CEP72: variants seen among roughly 807,000 people sequenced by gnomAD.
CEP72 encodes centrosomal protein of 72 kDa.
In CEP72, 78 loss-of-function variants were observed where a neutral mutation model predicts 65.7. The observed-to-expected ratio is 1.19, with a 90% CI of 0.99 to 1.43. The LOEUF is 1.43. Among genes scored for constraint, CEP72 ranks in the 40% most tolerant of loss-of-function variants. The pLI, the probability that CEP72 is intolerant of heterozygous loss-of-function variation, is 0.00. For synonymous variants in CEP72, 358 were observed against 351.7 expected, an observed-to-expected ratio of 1.02 and a Z score of -0.20; for missense variants, 914 against 832.9, an observed-to-expected ratio of 1.10 and a Z score of -1.20.
intron 8 of CEP72, 29 bp from the exon 9 acceptor site, chr5:640,379 C>G: frequency 6.2e-7 from 1 of 1,604,176 alleles, no homozygotes; most frequent in African/African-American, 1.3e-5. Context: ...AGCCTAAGTG[C>G]TAATGTAATA....
chr5:660,204 C>CATATATATAT (rs34439131), downstream of CEP72: 8 of 145,552 alleles, frequency 5.5e-5, no homozygotes, highest in Non-Finnish European at 7.6e-5. Flanking sequence ...ATATATTGCA[C>CATATATATAT]ATATATATAT....
chr5:667,578 G>A (rs911176200), downstream of CEP72, among the ~76,000 whole-genome samples: 2 of 151,726 alleles, frequency 1.3e-5, no homozygotes, highest in Admixed American at 6.5e-5. Flanking sequence ...TCATCAAAAC[G>A]TTCGAAACTC....
chr5:616,791 G>A (rs957786797), intron 1 of CEP72, among the ~76,000 whole-genome samples: 3 of 148,938 alleles, frequency 2.0e-5, no homozygotes, highest in Non-Finnish European at 4.5e-5. Flanking sequence ...CCAGGTGGAC[G>A]AGGGGTGTGT....
At chr5:669,741 G>A (rs571604305), downstream of CEP72, among the ~76,000 whole-genome samples, 11 of 152,182 alleles carry the variant, frequency 7.2e-5, no homozygotes, top group South Asian at 2.1e-4. Context: ...CGAGTGTCTC[G>A]GGGAAAGGGC....
the CEP72 span, among the ~76,000 whole-genome samples, chr5:672,784 C>G: frequency 6.6e-5 from 10 of 152,386 alleles, no homozygotes; most frequent in Non-Finnish European, 1.0e-4. Context: ...TATTTTAAAG[C>G]TGCCACCGCA....
At chr5:640,107 G>T (rs1237312116) in intron 8 of CEP72, among the ~76,000 whole-genome samples, 3 of 152,248 alleles carry the variant, frequency 2.0e-5, no homozygotes, top group Non-Finnish European at 4.4e-5. Context: ...ACACAGGGCA[G>T]TCGGTGCTTG....
chr5:619,091 T>C lies in CEP72; in HGVS notation c.184T>C (p.Ser62Pro). ...SLTGLKSLDLSRNSLVSLEGI... is the reference protein window; with the variant it reads ...SLTGLKSLDLPRNSLVSLEGI... ...AACAGGTCTGAAATCTTTGGATCTC[T>C]CGCGCAACTCCTTGGTTAGTCTGGA... is the stretch of plus-strand genomic sequence containing the variant. The change falls in exon 2 of 12, where the codon TCG becomes CCG. Residue 62 changes from serine to proline, a missense_variant. Coordinates refer to ENST00000264935, the MANE Select transcript of CEP72 (RefSeq NM_018140.4). 6.2e-7 allele frequency: 1 copy of C among 1,613,840 alleles called. No homozygotes were observed. Among genetic ancestry groups the C allele is most frequent in the Non-Finnish European group, 8.5e-7 (1 of 1,179,742 alleles).
rs1738273096 is a variant in CEP72, at chr5:644,345, G to A, written c.1586G>A (p.Arg529Lys). 1.2e-6 allele frequency: 2 copies of A among 1,613,946 alleles called. No homozygotes were observed. The highest frequency in any genetic ancestry group is 1.1e-5 in the South Asian group (1 of 91,080). Residue 529 changes from arginine (R) to lysine (K), a missense_variant, in exon 10 of 12, where the codon AGG becomes AAG. By Grantham distance (26) the Arg-to-Lys change is conservative. Coordinates refer to ENST00000264935, the MANE Select transcript of CEP72 (RefSeq NM_018140.4). ...HLDKSLEENSRLKSLLLSMKK... is the reference protein window; with the variant it reads ...HLDKSLEENSKLKSLLLSMKK... ...GATAAATCTTTGGAAGAGAACAGTA[G>A]GTTAAAATCGCTTTTGTTGAGTATG...
intron 1 of CEP72, among the ~76,000 whole-genome samples, chr5:613,529 C>T (rs1735810343): frequency 6.6e-6 from 1 of 152,198 alleles, no homozygotes; most frequent in African/African-American, 2.4e-5. Flanking sequence ...CCATGCCCGG[C>T]TAATTTTTTA....
chr5:637,625 C>T lies in CEP72; in HGVS notation c.1013C>T (p.Pro338Leu), dbSNP rs1383752702. The T allele has an allele frequency of 6.2e-7, 1 of 1,614,062 alleles. No individual in the cohort carries two copies. Among genetic ancestry groups the T allele is most frequent in the Non-Finnish European group, 8.5e-7 (1 of 1,180,050 alleles). The change falls in exon 7 of 12, where the codon CCT becomes CTT. Residue 338 changes from proline (P) to leucine (L), a missense_variant. Physicochemically the swap from Pro to Leu is moderately conservative, Grantham distance 98. Transcript: ENST00000264935. ...GGAAAGTGCAGGAAGCGAAGAATGC[C>T]TGTTGGAAGATTCCAGACGTTTTCG... is the stretch of plus-strand genomic sequence containing the variant. ...APGKCRKRRM[P>L]VGRFQTFSDQ...
At chr5:648,019 C>T in intron 11 of CEP72, 103 bp downstream of exon 11, 1 of 684,292 alleles carries the variant, frequency 1.5e-6, no homozygotes, top group Non-Finnish European at 2.5e-6. Context: ...AGAGGAGCAG[C>T]TCCTCATGAG....
chr5:674,065 A>C, the CEP72 span, among the ~76,000 whole-genome samples: 1 of 152,258 alleles, frequency 6.6e-6, no homozygotes, highest in African/African-American at 2.4e-5. Context: ...AAGGCTGTGC[A>C]CATGGGGCCG....
intron 1 of CEP72, among the ~76,000 whole-genome samples, chr5:613,259 C>T (rs1327196346): frequency 6.6e-6 from 1 of 152,142 alleles, no homozygotes; most frequent in Non-Finnish European, 1.5e-5. Flanking sequence ...CTGTGGGGGC[C>T]ACAGGCCAAT....
chr5:636,712 A>T (rs1053054720), intron 6 of CEP72, among the ~76,000 whole-genome samples: 2 of 149,746 alleles, frequency 1.3e-5, no homozygotes, highest in Admixed American at 6.7e-5. Context: ...CAGGAGGCTG[A>T]GGCATGAGAA....
At chr5:633,641 G>A (rs1013236119) in intron 4 of CEP72, 128 bp from the exon 5 acceptor site, 6 of 845,220 alleles carry the variant, frequency 7.1e-6, no homozygotes, top group South Asian at 3.2e-5. Flanking sequence ...AACAGGACCC[G>A]GCTGCCCCAC....
intron 10 of CEP72, among the ~76,000 whole-genome samples, chr5:647,280 G>A (rs1265602854): frequency 6.6e-6 from 1 of 152,274 alleles, no homozygotes; most frequent in Non-Finnish European, 1.5e-5. Flanking sequence ...CCACTAAATA[G>A]TATCTCTCTT....
rs569912207 is a variant in CEP72, at chr5:636,562, A to G, written c.905-955A>G. Among the ~76,000 whole-genome samples the G allele has an allele frequency of 2.0e-5, 3 of 152,274 alleles. No individual in the cohort carries two copies. In the East Asian group the frequency reaches 5.8e-4, roughly 29 times the overall value. On this transcript the variant is annotated intron_variant, in intron 6 of 11. Transcript: ENST00000264935. Reference sequence around the variant, plus strand: ...ACGGTGGCTCACGCCTATAATCCCAATATTTTGGGAGGCCGAGGCAGGCGG... The same window carrying G: ...ACGGTGGCTCACGCCTATAATCCCAGTATTTTGGGAGGCCGAGGCAGGCGG...
Position 628,802 on chromosome 5 carries a change from C to A in CEP72, c.512+4223C>A, listed in dbSNP as rs1437391538. ...CCCAGCCCCCTTCTTTGTGCAGCTT[C>A]TGGAGAACTCAGGTTGCCGTCCCCA... On this transcript the variant is annotated intron_variant, in intron 4 of 11. Transcript: ENST00000264935. Among the ~76,000 whole-genome samples, 338 of 129,736 alleles carry A rather than the reference C, an allele frequency of 2.6e-3. 1 individual carries two copies. The highest frequency in any genetic ancestry group is 0.011 in the African/African-American group (330 of 30,472). The allele number at this position is 129,736 out of a possible 152,430, so 85.1% of individuals were successfully genotyped here. A position where few individuals can be genotyped will look rare whatever the true frequency, so the allele number is the denominator to read the frequency against.
At chr5:614,046 G>T (rs887326467) in intron 1 of CEP72, among the ~76,000 whole-genome samples, 78 of 152,290 alleles carry the variant, frequency 5.1e-4, no homozygotes, top group Non-Finnish European at 3.8e-4. Context: ...GGTTTACAGG[G>T]ATATCCCTTT....
Sources: gnomAD v4.1 joint callset for allele counts (sites outside exome capture counted in the v4.1 genomes callset) on GRCh38, gnomAD v4.1.1 for gene constraint, MANE v1.5 for transcripts, NCBI Gene and HGNC (gene_info 2026-07-23, HGNC 2026-07-21) for gene names.